SLCO3A1: variants seen among roughly 807,000 people sequenced by gnomAD.
The protein encoded by SLCO3A1 is solute carrier organic anion transporter family member 3A1.
A neutral mutation model predicts 63.1 loss-of-function variants in SLCO3A1; 27 were observed. The ratio of observed to expected loss-of-function variants is 0.43; its 90% CI spans 0.32 to 0.59. SLCO3A1 has a LOEUF of 0.59. Among genes scored for constraint, SLCO3A1 ranks in the 20% least tolerant of loss-of-function variants. The probability of loss-of-function intolerance (pLI) is 0.09; values close to 1 mark genes in which losing one functional copy is unlikely to be tolerated. For missense variants in SLCO3A1, 773 were observed against 945.8 expected (o/e 0.82, Z 2.40); for synonymous variants, 473 against 409.9 (o/e 1.15, Z -1.86).
At chr15:92,059,431 C>CA (rs1463128176) in intron 2 of SLCO3A1, among the ~76,000 whole-genome samples, 4 of 152,220 alleles carry the variant, frequency 2.6e-5, no homozygotes, top group Non-Finnish European at 4.4e-5. Flanking sequence ...AGGAGTGTCA[C>CA]ATTCCCCATG....
At chr15:92,009,808 G>A (rs1302795247) in intron 2 of SLCO3A1, among the ~76,000 whole-genome samples, 1 of 152,222 alleles carries the variant, frequency 6.6e-6, no homozygotes, top group African/African-American at 2.4e-5. Context: ...TACAAAGCTT[G>A]TCCCACAGAT....
At chr15:92,102,565 C>G (rs562069257) in intron 3 of SLCO3A1, among the ~76,000 whole-genome samples, 1 of 93,610 alleles carries the variant, frequency 1.1e-5, no homozygotes, top group East Asian at 2.5e-4. Context: ...TAGTAAGTGG[C>G]AGAGCTGGGA....
At chr15:92,067,932 C>T (rs1437827600) in intron 2 of SLCO3A1, among the ~76,000 whole-genome samples, 1 of 152,172 alleles carries the variant, frequency 6.6e-6, no homozygotes, top group East Asian at 1.9e-4. Context: ...ACTGTGTCCT[C>T]TTCTGCGGGA....
intron 7 of SLCO3A1, among the ~76,000 whole-genome samples, chr15:92,144,003 G>C (rs1596141876): frequency 6.6e-6 from 1 of 152,186 alleles, no homozygotes; most frequent in African/African-American, 2.4e-5. Context: ...TGGTCAGCAG[G>C]GTAGGCAGAA....
intron 2 of SLCO3A1, among the ~76,000 whole-genome samples, chr15:91,997,365 A>G (rs1466036716): frequency 6.6e-6 from 1 of 152,246 alleles, no homozygotes; most frequent in Admixed American, 6.5e-5. Context: ...GATGACACAA[A>G]CAAATGGAAA....
chr15:92,002,236 C>T (rs1465026660), intron 2 of SLCO3A1, among the ~76,000 whole-genome samples: 1 of 152,106 alleles, frequency 6.6e-6, no homozygotes, highest in Non-Finnish European at 1.5e-5. Context: ...GCTATTACCG[C>T]AGGTGTTAAT....
chr15:91,874,296 G>T (rs1331859191), intron 1 of SLCO3A1, among the ~76,000 whole-genome samples: 1 of 152,132 alleles, frequency 6.6e-6, no homozygotes, highest in African/African-American at 2.4e-5. Flanking sequence ...TGAAACTCTG[G>T]ATAAGCGGGG....
intron 3 of SLCO3A1, 113 bp downstream of exon 3, chr15:92,095,092 CCCTGCCT>C: frequency 1.5e-6 from 1 of 674,038 alleles, no homozygotes; most frequent in Non-Finnish European, 2.7e-6. Context: ...GTCTTGATGC[CCCTGCCT>C]CTGTAGCTGG....
At chr15:92,042,233 C>T (rs901050391) in intron 2 of SLCO3A1, among the ~76,000 whole-genome samples, 1 of 152,210 alleles carries the variant, frequency 6.6e-6, no homozygotes, top group Non-Finnish European at 1.5e-5. Context: ...ATTTAACATT[C>T]ACACAGTGTC....
intron 5 of SLCO3A1, among the ~76,000 whole-genome samples, chr15:92,122,793 G>A (rs1596120690): frequency 6.6e-6 from 1 of 152,200 alleles, no homozygotes; most frequent in Non-Finnish European, 1.5e-5. Flanking sequence ...ATTATAGAAT[G>A]TTCTATGGTA....
In SLCO3A1 at chr15:91,926,601, G is replaced by GCGCA. The variant is rs1356750336; in HGVS notation, c.646+10146_646+10147insACGC. Among the ~76,000 whole-genome samples the GCGCA allele has an allele frequency of 4.3e-4, 64 of 148,070 alleles. 1 individual carries two copies. The highest frequency in any genetic ancestry group is 9.1e-4 in the African/African-American group (35 of 38,306). On this transcript the variant is annotated intron_variant, in intron 2 of 9. Transcript: ENST00000318445. ...TGTGTGTGTGTGTGTGTGTGTGCGC[G>GCGCA]CGCGCACGCCCATGCTTATTTTAAA... is the stretch of plus-strand genomic sequence containing the variant.
At chr15:92,082,786 A>G (rs911644088) in intron 2 of SLCO3A1, among the ~76,000 whole-genome samples, 4 of 152,242 alleles carry the variant, frequency 2.6e-5, no homozygotes, top group African/African-American at 9.6e-5. Flanking sequence ...GGTAGGAATC[A>G]GCCTTGGCTG....
At chr15:91,905,403 T>C (rs554958182) in intron 1 of SLCO3A1, among the ~76,000 whole-genome samples, 2 of 152,360 alleles carry the variant, frequency 1.3e-5, no homozygotes, top group East Asian at 1.9e-4. Context: ...CTTTAACTTA[T>C]GCAATCCTCT....
chr15:91,891,026 A>G (rs1449621290), intron 1 of SLCO3A1, among the ~76,000 whole-genome samples: 1 of 152,180 alleles, frequency 6.6e-6, no homozygotes, highest in Non-Finnish European at 1.5e-5. Flanking sequence ...ATGCAATTAC[A>G]GAGAGAAACC....
rs145038631 is a variant in SLCO3A1, at chr15:92,077,247, G to A, written c.647-17634G>A. On this transcript the variant is annotated intron_variant, in intron 2 of 9. Coordinates refer to ENST00000318445, the MANE Select transcript of SLCO3A1 (RefSeq NM_013272.4). Reference sequence around the variant, plus strand: ...GATGAGATTTGGGTGGGGACACAGCGAAACCATATCAGGGAGGTCCCTGAT... The same window carrying A: ...GATGAGATTTGGGTGGGGACACAGCAAAACCATATCAGGGAGGTCCCTGAT... 2.6e-3 allele frequency among the ~76,000 whole-genome samples: 393 copies of A among 152,206 alleles called. 3 individuals are homozygous for A. Among genetic ancestry groups the A allele is most frequent in the African/African-American group, 9.0e-3 (375 of 41,532 alleles).
At chr15:91,979,880 G>A (rs1373784472) in intron 2 of SLCO3A1, among the ~76,000 whole-genome samples, 5 of 152,162 alleles carry the variant, frequency 3.3e-5, no homozygotes. Flanking sequence ...TATTGGTGAG[G>A]ATCATGGCAT....
chr15:92,099,355 T>C (rs1165706307), intron 3 of SLCO3A1, among the ~76,000 whole-genome samples: 1 of 152,162 alleles, frequency 6.6e-6, no homozygotes, highest in Non-Finnish European at 1.5e-5. Flanking sequence ...CTCCAGTTTC[T>C]AATTAGGTTT....
At chr15:92,055,271 G>A (rs777918822) in intron 2 of SLCO3A1, among the ~76,000 whole-genome samples, 11 of 152,112 alleles carry the variant, frequency 7.2e-5, no homozygotes, top group Admixed American at 5.2e-4. Context: ...GTTCATGTCT[G>A]TTGCCCACTT....
At chr15:92,085,524 C>T (rs2047394443) in intron 2 of SLCO3A1, among the ~76,000 whole-genome samples, 1 of 152,200 alleles carries the variant, frequency 6.6e-6, no homozygotes, top group African/African-American at 2.4e-5. Context: ...GGGAGTAATC[C>T]TGAGGTAACA....
Sources: gnomAD v4.1 joint callset for allele counts (sites outside exome capture counted in the v4.1 genomes callset) on GRCh38, gnomAD v4.1.1 for gene constraint, MANE v1.5 for transcripts, NCBI Gene and HGNC (gene_info 2026-07-23, HGNC 2026-07-21) for gene names.